The following BAIAP2 variants were observed in gnomAD, a reference collection of about 807,000 sequenced individuals.
The protein encoded by BAIAP2 is BAR/IMD domain containing adaptor protein 2.
A neutral mutation model predicts 63.0 loss-of-function variants in BAIAP2; 18 were observed. That is an observed-to-expected ratio of 0.29 (90% CI 0.20 to 0.42). The LOEUF (loss-of-function observed/expected upper bound fraction) is 0.42, where lower values mean the gene tolerates loss of function less well. Ranked by LOEUF, BAIAP2 falls within the 10% of genes least tolerant of loss-of-function variation. The pLI is 1.00. For missense variants in BAIAP2, 610 were observed against 734.3 expected (o/e 0.83, Z 1.96); for synonymous variants, 386 against 307.6 (o/e 1.25, Z -2.67).
Position 81,116,389 on chromosome 17 carries a change from G to C in BAIAP2, c.*550G>C. 1.3e-6 allele frequency: 2 copies of C among 1,549,108 alleles called. No homozygotes were observed. Among genetic ancestry groups the C allele is most frequent in the East Asian group, 4.7e-5 (2 of 42,756 alleles). ...CTGGTCCCTCCCCATGCCCCTCGGT[G>C]GGGCTCTCCTGGGCCCCTCACTCCC... On this transcript the variant is annotated 3_prime_UTR_variant, in exon 14 of 14. Transcript: ENST00000428708.
intron 3 of BAIAP2, among the ~76,000 whole-genome samples, chr17:81,058,754 C>G (rs558190321): frequency 6.6e-6 from 1 of 152,212 alleles, no homozygotes. Context: ...CACTCTTGAC[C>G]GTCTCCCCGT....
chr17:81,093,077 CCCTGGGCTGGGCTGGGCTGG>C (rs1371233806), intron 6 of BAIAP2, among the ~76,000 whole-genome samples: 4 of 137,494 alleles, frequency 2.9e-5, no homozygotes, highest in African/African-American at 1.2e-4. Flanking sequence ...CCCACCCACT[CCCTGGGCTGGGCTGGGCTGG>C]GCTGGGCTGG....
At chr17:81,109,263 T>A in intron 13 of BAIAP2, 4 of 1,327,634 alleles carry the variant, frequency 3.0e-6, no homozygotes, top group Non-Finnish European at 3.8e-6. Context: ...CAGGACCTGC[T>A]GGGCCGTGCG....
intron 7 of BAIAP2, among the ~76,000 whole-genome samples, chr17:81,102,489 C>T (rs1337308165): frequency 6.6e-6 from 1 of 152,092 alleles, no homozygotes; most frequent in Admixed American, 6.5e-5. Flanking sequence ...TCTGTTACTG[C>T]AATGTGAGGG....
chr17:81,064,348 G>A (rs1264207995), intron 3 of BAIAP2, among the ~76,000 whole-genome samples: 1 of 152,122 alleles, frequency 6.6e-6, no homozygotes, highest in Admixed American at 6.5e-5. Context: ...GCCCCGTCAG[G>A]ATGACGAGGA....
At position 81,106,829 on chromosome 17, in the gene BAIAP2, C is replaced by T. The variant is rs752914362; in HGVS notation, c.1422C>T (p.Ala474=). The T allele has an allele frequency of 1.9e-6, 3 of 1,611,466 alleles. No homozygotes were observed. The highest frequency in any genetic ancestry group is 4.5e-5 in the East Asian group (2 of 44,886). The change falls in exon 12 of 14, where the codon GCC becomes GCT. Residue 474 remains alanine (A), a synonymous_variant. Transcript: ENST00000428708. ...LAIPPPDYGA[A]SRAFPAQTAS... ...TCCCACCCCCCGATTACGGCGCCGC[C>T]TCCCGGGCCTTCCCCGCCCAGACGG...
At chr17:81,100,772 G>A (rs934700003) in intron 7 of BAIAP2, among the ~76,000 whole-genome samples, 8 of 152,136 alleles carry the variant, frequency 5.3e-5, no homozygotes, top group African/African-American at 1.9e-4. Flanking sequence ...TGGCTCTCAG[G>A]TGGCCTCCCC....
rs149055618 is a variant in BAIAP2 at position 81,099,961 on chromosome 17, C to T, written c.523C>T (p.Leu175=). 1.8e-5 allele frequency: 29 copies of T among 1,613,418 alleles called. No homozygotes were observed. Among genetic ancestry groups the T allele is most frequent in the Non-Finnish European group, 2.3e-5 (27 of 1,179,976 alleles). Residue 175 remains leucine (L), a synonymous_variant, in exon 7 of 14, where the codon CTG becomes TTG. Transcript: ENST00000428708. ...CGCCATCAGCAACAAGCAGGGCGAG[C>T]TGGAGAATTACGTGTCCGACGGCTA... ...IDAISNKQGE[L]ENYVSDGYKT... is the part of the protein sequence containing the mutation.
At chr17:81,094,233 CCTCTAGCCTGTTTGTGT>C (rs1277483764) in intron 6 of BAIAP2, among the ~76,000 whole-genome samples, 2 of 152,296 alleles carry the variant, frequency 1.3e-5, no homozygotes, top group South Asian at 2.1e-4. Flanking sequence ...GGTCTGTGAT[CCTCTAGCCTGTTTGTGT>C]GTCTAGCCCA....
At chr17:81,075,816 T>C (rs2053570661) in intron 3 of BAIAP2, among the ~76,000 whole-genome samples, 1 of 152,238 alleles carries the variant, frequency 6.6e-6, no homozygotes, top group Non-Finnish European at 1.5e-5. Flanking sequence ...CCCCCAGTAC[T>C]GCCCAGCCTT....
intron 9 of BAIAP2, 99 bp from the exon 10 acceptor site, chr17:81,104,406 CCACCTGGGG>C (rs2058879963): frequency 8.7e-6 from 11 of 1,260,180 alleles, no homozygotes; most frequent in Non-Finnish European, 3.3e-6. Context: ...GCCCACTTAC[CCACCTGGGG>C]CACAGGCGGC....
chr17:81,116,243 G>GC lies in BAIAP2; in HGVS notation c.*407dup, dbSNP rs1568210097. The GC allele has an allele frequency of 2.5e-6, 4 of 1,612,480 alleles. No homozygotes were observed. The highest frequency in any genetic ancestry group is 3.4e-6 in the Non-Finnish European group (4 of 1,179,682). On this transcript the variant is annotated 3_prime_UTR_variant, in exon 14 of 14. Transcript: ENST00000428708. Reference sequence around the variant, plus strand: ...CTCCTGCACCAGGTGTGATCTGTCCGCCCAAGGGCCAGAAGGCCGGGAGCA... The same window carrying GC: ...CTCCTGCACCAGGTGTGATCTGTCCGCCCCAAGGGCCAGAAGGCCGGGAGCA...
At chr17:81,086,608 C>T (rs2055686411) in intron 6 of BAIAP2, 28 bp downstream of exon 6, 1 of 1,611,302 alleles carries the variant, frequency 6.2e-7, no homozygotes, top group Non-Finnish European at 8.5e-7. Context: ...GCTGTGGTGC[C>T]TCTCCTGCCA....
chr17:81,095,168 G>A (rs540391216), intron 6 of BAIAP2, among the ~76,000 whole-genome samples: 7 of 152,330 alleles, frequency 4.6e-5, no homozygotes, highest in East Asian at 1.9e-4. Flanking sequence ...GCACGCAGCC[G>A]GTGGCTCAGC....
At position 81,046,845 on chromosome 17, in the gene BAIAP2, C is replaced by A. The variant is rs996915358; in HGVS notation, c.55-6823C>A. 6.6e-6 allele frequency among the ~76,000 whole-genome samples: 1 copy of A among 152,090 alleles called. No individual in the cohort carries two copies. The highest frequency in any genetic ancestry group is 1.5e-5 in the Non-Finnish European group (1 of 68,008). On this transcript the variant is annotated intron_variant, in intron 1 of 13. Transcript: ENST00000428708. This position sits in a 1 kb window ranked among gnomAD's most constrained non-coding sequence, Gnocchi z 4.5. The stretch of plus-strand genomic sequence containing the variant: ...CCGTCAAGTCTACGTGGACCAGAGT[C>A]GTGGGTGCTGTGAGGTCCGTGTCTG...
At chr17:81,058,914 G>A (rs1051193757) in intron 3 of BAIAP2, among the ~76,000 whole-genome samples, 2 of 152,196 alleles carry the variant, frequency 1.3e-5, no homozygotes, top group Non-Finnish European at 2.9e-5. Flanking sequence ...GTCGGCAGGC[G>A]GTGGGCTGGG....
At chr17:81,100,293 C>T (rs944304624) in intron 7 of BAIAP2, among the ~76,000 whole-genome samples, 1 of 152,212 alleles carries the variant, frequency 6.6e-6, no homozygotes, top group African/African-American at 2.4e-5. Flanking sequence ...GAAATTGCCA[C>T]CTGCAACCAG....
chr17:81,090,887 C>T (rs796755943), intron 6 of BAIAP2, among the ~76,000 whole-genome samples: 8 of 152,358 alleles, frequency 5.3e-5, no homozygotes, highest in African/African-American at 1.4e-4. Flanking sequence ...ACCCGGCCAG[C>T]GGGCTCTGTG....
At chr17:81,061,268 C>T (rs1246511724) in intron 3 of BAIAP2, among the ~76,000 whole-genome samples, 1 of 152,214 alleles carries the variant, frequency 6.6e-6, no homozygotes, top group Non-Finnish European at 1.5e-5. Flanking sequence ...GATATAAATT[C>T]TTTTCATGGC....
Sources: allele counts gnomAD v4.1 joint callset (sites outside exome capture counted in the v4.1 genomes callset), GRCh38; gene constraint gnomAD v4.1.1; non-coding constraint Gnocchi (gnomAD v3.1); transcripts MANE v1.5; gene names NCBI Gene and HGNC (gene_info 2026-07-23, HGNC 2026-07-21).